EXT1: variants seen among roughly 807,000 people sequenced by gnomAD.
The protein encoded by EXT1 is exostosin-1.
EXT1 carries 20 observed loss-of-function variants against 82.5 expected under a neutral mutation model. The observed-to-expected ratio is 0.24, with a 90% CI of 0.17 to 0.35. EXT1 has a LOEUF of 0.35. EXT1 is among the 10% of genes least tolerant of loss of function. EXT1 has a pLI of 1.00. For missense variants in EXT1, 757 were observed against 936.5 expected, an observed-to-expected ratio of 0.81 and a Z score of 2.50; for synonymous variants, 348 against 350.8, an observed-to-expected ratio of 0.99 and a Z score of 0.09.
At chr8:117,842,378 A>T (rs1296715241) in intron 1 of EXT1, among the ~76,000 whole-genome samples, 1 of 152,234 alleles carries the variant, frequency 6.6e-6, no homozygotes, top group Non-Finnish European at 1.5e-5. Context: ...ATTATGACTG[A>T]AGGAAGATAA....
intron 1 of EXT1, among the ~76,000 whole-genome samples, chr8:117,909,293 A>G (rs1813601249): frequency 6.6e-6 from 1 of 152,224 alleles, no homozygotes; most frequent in South Asian, 2.1e-4. Context: ...TTTCATTTAC[A>G]AGAAAGAAAA....
chr8:118,053,592 C>T (rs1376302886), intron 1 of EXT1, among the ~76,000 whole-genome samples: 1 of 152,116 alleles, frequency 6.6e-6, no homozygotes, highest in East Asian at 1.9e-4. Flanking sequence ...AGGAAGATCC[C>T]CTTTTCTTCA....
intron 1 of EXT1, among the ~76,000 whole-genome samples, chr8:118,062,769 T>A (rs975122692): frequency 6.6e-6 from 1 of 152,172 alleles, no homozygotes; most frequent in African/African-American, 2.4e-5. Flanking sequence ...GATCACTGTT[T>A]TAGACAGAGT....
chr8:118,046,388 C>A (rs1265804912), intron 1 of EXT1, among the ~76,000 whole-genome samples: 1 of 152,174 alleles, frequency 6.6e-6, no homozygotes, highest in Non-Finnish European at 1.5e-5. Context: ...TCACACTGGG[C>A]CCGGTGGTGT....
intron 1 of EXT1, among the ~76,000 whole-genome samples, chr8:117,974,586 G>A (rs1185346987): frequency 6.6e-6 from 1 of 152,134 alleles, no homozygotes; most frequent in African/African-American, 2.4e-5. Context: ...TCCCATCTCA[G>A]CCTCCTAAGT....
At chr8:117,830,417 C>T in intron 3 of EXT1, 68 bp from the exon 4 acceptor site, 1 of 1,579,814 alleles carries the variant, frequency 6.3e-7, no homozygotes, top group Non-Finnish European at 8.6e-7. Context: ...ATCAAAATAA[C>T]CCAACTGGGT....
At chr8:117,919,616 C>G (rs1028781708) in intron 1 of EXT1, among the ~76,000 whole-genome samples, 1 of 151,854 alleles carries the variant, frequency 6.6e-6, no homozygotes, top group African/African-American at 2.4e-5. Flanking sequence ...GCAATCATCC[C>G]GCCTCACCCT....
At chr8:117,831,715 G>C in intron 3 of EXT1, 1 of 470,078 alleles carries the variant, frequency 2.1e-6, no homozygotes, top group Non-Finnish European at 4.4e-6. Flanking sequence ...CATGGCATTT[G>C]ACTAAGACTG....
intron 1 of EXT1, among the ~76,000 whole-genome samples, chr8:118,035,089 A>C (rs1021071093): frequency 1.1e-4 from 17 of 152,238 alleles, no homozygotes; most frequent in African/African-American, 3.4e-4. Context: ...AAACAGAGCA[A>C]GAGGATTTTT....
intron 1 of EXT1, 59 bp downstream of exon 1, chr8:118,110,026 G>T: frequency 6.2e-7 from 1 of 1,611,722 alleles, no homozygotes; most frequent in Non-Finnish European, 8.5e-7. Flanking sequence ...TTCACACCTG[G>T]ACCAAGGCCG....
At chr8:117,920,008 G>C (rs1477318279) in intron 1 of EXT1, among the ~76,000 whole-genome samples, 2 of 152,174 alleles carry the variant, frequency 1.3e-5, no homozygotes, top group African/African-American at 4.8e-5. Flanking sequence ...ACATCATGTT[G>C]ATAGTTGATA....
intron 1 of EXT1, among the ~76,000 whole-genome samples, chr8:118,096,411 G>A (rs181338845): frequency 1.3e-3 from 193 of 151,976 alleles, no homozygotes; most frequent in African/African-American, 4.2e-3. Context: ...TCACGAGGTC[G>A]GGAGATCGAG....
At chr8:117,881,462 T>C (rs766671400) in intron 1 of EXT1, among the ~76,000 whole-genome samples, 2 of 152,202 alleles carry the variant, frequency 1.3e-5, no homozygotes, top group East Asian at 1.9e-4. Flanking sequence ...CCCGCATTCA[T>C]CACTCATTTC....
intron 1 of EXT1, among the ~76,000 whole-genome samples, chr8:118,004,680 C>T (rs1181388146): frequency 6.6e-6 from 1 of 152,182 alleles, no homozygotes; most frequent in African/African-American, 2.4e-5. Context: ...GTCTCTTGAG[C>T]TTCCCTTACA....
At chr8:118,025,760 T>C (rs981805348) in intron 1 of EXT1, among the ~76,000 whole-genome samples, 1 of 150,544 alleles carries the variant, frequency 6.6e-6, no homozygotes, top group Non-Finnish European at 1.5e-5. Flanking sequence ...TCTTCCATAA[T>C]TTTTTTTTTC....
At chr8:117,868,802 T>G (rs1812817562) in intron 1 of EXT1, among the ~76,000 whole-genome samples, 1 of 152,076 alleles carries the variant, frequency 6.6e-6, no homozygotes, top group Non-Finnish European at 1.5e-5. Context: ...CCACACATCC[T>G]CACGACCAAG....
chr8:117,820,151 G>T (rs1391583983), intron 5 of EXT1, among the ~76,000 whole-genome samples: 1 of 152,092 alleles, frequency 6.6e-6, no homozygotes, highest in Non-Finnish European at 1.5e-5. Context: ...CATGGTATTT[G>T]CATGTGTCTG....
chr8:118,036,671 G>T (rs1016809613), intron 1 of EXT1, among the ~76,000 whole-genome samples: 4 of 152,078 alleles, frequency 2.6e-5, no homozygotes, highest in African/African-American at 9.7e-5. Context: ...GACAAAAAAT[G>T]TACACATTTA....
intron 1 of EXT1, among the ~76,000 whole-genome samples, chr8:118,066,652 C>T (rs1183516210): frequency 2.0e-5 from 3 of 152,144 alleles, no homozygotes; most frequent in Non-Finnish European, 4.4e-5. Context: ...TGAACCACAG[C>T]GCCAGGCCCA....
Sources: allele counts gnomAD v4.1 joint callset (sites outside exome capture counted in the v4.1 genomes callset), GRCh38; gene constraint gnomAD v4.1.1; transcripts MANE v1.5; gene names NCBI Gene and HGNC (gene_info 2026-07-23, HGNC 2026-07-21).